The following FHIT variants were observed in gnomAD, a reference collection of about 807,000 sequenced individuals.
FHIT encodes bis(5'-adenosyl)-triphosphatase.
Under a neutral mutation model 17.9 loss-of-function variants are expected in FHIT, and 19 were observed. The observed-to-expected ratio is 1.06, with a 90% CI of 0.74 to 1.56. The LOEUF (loss-of-function observed/expected upper bound fraction) is 1.56. FHIT is among the 40% of genes most tolerant of loss of function. FHIT has a pLI of 0.00. For missense variants in FHIT, 248 were observed against 189.2 expected (o/e 1.31, Z -1.82); for synonymous variants, 81 against 69.7 (o/e 1.16, Z -0.81).
At chr3:60,226,148 T>A (rs1202420366) in intron 5 of FHIT, among the ~76,000 whole-genome samples, 1 of 152,070 alleles carries the variant, frequency 6.6e-6, no homozygotes, top group Admixed American at 6.5e-5. Context: ...ACCAGAGGAC[T>A]TGTACAACAG....
intron 8 of FHIT, among the ~76,000 whole-genome samples, chr3:59,843,020 T>C (rs1048990564): frequency 6.6e-6 from 1 of 152,184 alleles, no homozygotes; most frequent in East Asian, 1.9e-4. Flanking sequence ...AATTTTATTC[T>C]AAGAGTTTTA....
At chr3:60,638,168 G>T (rs2039636747) in intron 4 of FHIT, among the ~76,000 whole-genome samples, 1 of 152,132 alleles carries the variant, frequency 6.6e-6, no homozygotes, top group Non-Finnish European at 1.5e-5. Flanking sequence ...GAAACTAAGG[G>T]AAATTAAACA....
chr3:60,792,136 G>C (rs782005238), intron 4 of FHIT, among the ~76,000 whole-genome samples: 6 of 152,160 alleles, frequency 3.9e-5, no homozygotes, highest in Admixed American at 6.5e-5. Flanking sequence ...AATGAGGATG[G>C]CTTCCTGCTC....
At chr3:59,882,770 G>T (rs756672019) in intron 8 of FHIT, among the ~76,000 whole-genome samples, 14 of 152,158 alleles carry the variant, frequency 9.2e-5, no homozygotes, top group Non-Finnish European at 1.8e-4. Context: ...TGGTCCATTG[G>T]TCCTGCTTTC....
chr3:59,991,111 T>A lies in FHIT; in HGVS notation c.279+20260A>T, dbSNP rs905851373. ...CAGCTCCATGAGATCAAGGGCCACA[T>A]CTGTTTTATTTAGCGAGAAGCAGAA... On this transcript the variant is annotated intron_variant, in intron 7 of 9. Transcript: ENST00000492590. 2.5e-4 allele frequency among the ~76,000 whole-genome samples: 38 copies of A among 151,990 alleles called. 1 individual carries two copies. Among genetic ancestry groups the A allele is most frequent in the Admixed American group, 6.6e-5 (1 of 15,234 alleles).
chr3:61,210,183 G>T (rs1317450213), intron 1 of FHIT, among the ~76,000 whole-genome samples: 1 of 152,212 alleles, frequency 6.6e-6, no homozygotes, highest in East Asian at 1.9e-4. Context: ...TCTCAGAGGA[G>T]TACCCGGCCG....
chr3:61,195,535 T>C (rs368053113), intron 2 of FHIT, among the ~76,000 whole-genome samples: 13 of 152,318 alleles, frequency 8.5e-5, no homozygotes, highest in East Asian at 7.7e-4. Context: ...TTCTCAAACC[T>C]GCTGATCAAT....
intron 9 of FHIT, chr3:59,749,881 T>G (rs1377042215): frequency 4.4e-6 from 1 of 225,870 alleles, no homozygotes; most frequent in East Asian, 6.4e-5. Context: ...GGCAAAATCT[T>G]AGGACCCTAA....
chr3:59,997,439 G>T (rs1242970510), intron 7 of FHIT, among the ~76,000 whole-genome samples: 1 of 152,140 alleles, frequency 6.6e-6, no homozygotes, highest in Non-Finnish European at 1.5e-5. Context: ...AACTATTATA[G>T]CTGGGGTTAT....
At chr3:59,866,465 G>A (rs1048625420) in intron 8 of FHIT, among the ~76,000 whole-genome samples, 5 of 152,178 alleles carry the variant, frequency 3.3e-5, no homozygotes, top group Non-Finnish European at 7.3e-5. Flanking sequence ...CCAATGGAAG[G>A]TTGACAACGG....
At position 61,243,378 on chromosome 3, in the gene FHIT, A is replaced by G. The variant is rs533092042; in HGVS notation, c.-213+7923T>C. Among the ~76,000 whole-genome samples the G allele has an allele frequency of 3.9e-5, 6 of 152,274 alleles. No individual in the cohort carries two copies. In the East Asian group the frequency reaches 1.2e-3, roughly 29 times the overall value. Reference sequence around the variant, plus strand: ...AGGAGCAGAACCTAAGAAAGTAGAGAAAGGATTGTTTTTCTTTTTTCCTCC... The same window carrying G: ...AGGAGCAGAACCTAAGAAAGTAGAGGAAGGATTGTTTTTCTTTTTTCCTCC... On this transcript the variant is annotated intron_variant, in intron 1 of 9. Coordinates refer to ENST00000492590, the MANE Select transcript of FHIT (RefSeq NM_002012.4).
At chr3:60,204,216 C>T (rs546948877) in intron 5 of FHIT, among the ~76,000 whole-genome samples, 1 of 152,048 alleles carries the variant, frequency 6.6e-6, no homozygotes, top group African/African-American at 2.4e-5. Context: ...CTACTATGTA[C>T]CCGTGAAAAT....
At chr3:59,979,747 C>G (rs1417466804) in intron 7 of FHIT, among the ~76,000 whole-genome samples, 2 of 152,094 alleles carry the variant, frequency 1.3e-5, no homozygotes, top group African/African-American at 4.8e-5. Flanking sequence ...TACTCCCACC[C>G]TGCCCATAAA....
At chr3:61,041,813 T>G (rs570878301) in intron 3 of FHIT, among the ~76,000 whole-genome samples, 2 of 152,154 alleles carry the variant, frequency 1.3e-5, no homozygotes, top group Non-Finnish European at 2.9e-5. Context: ...ACCTTAAAGA[T>G]ATAACAAAAG....
At chr3:61,158,558 T>C (rs2037598019) in intron 2 of FHIT, among the ~76,000 whole-genome samples, 1 of 152,348 alleles carries the variant, frequency 6.6e-6, no homozygotes, top group Non-Finnish European at 1.5e-5. Context: ...ATTACGAATA[T>C]GGTTTCATCT....
chr3:60,536,328 G>A (rs2035979085), intron 5 of FHIT: 1 of 152,104 alleles, frequency 6.6e-6, no homozygotes, highest in Non-Finnish European at 1.5e-5. Context: ...GCTATTTCAG[G>A]TCCTAATATT....
chr3:60,859,413 G>GCACAGGTAGACCGCATTTCCACCCATGCA (rs1261340108), intron 3 of FHIT, among the ~76,000 whole-genome samples: 2 of 152,100 alleles, frequency 1.3e-5, no homozygotes, highest in Non-Finnish European at 2.9e-5. Context: ...TCACCCATGT[G>GCACAGGTAGACCGCATTTCCACCCATGCA]CACAGGTAGA....
intron 5 of FHIT, among the ~76,000 whole-genome samples, chr3:60,250,440 C>G (rs997151651): frequency 3.3e-5 from 5 of 152,066 alleles, no homozygotes; most frequent in African/African-American, 9.7e-5. Context: ...TCCTAAGGAC[C>G]CCCTCGGCCA....
chr3:59,990,441 A>G (rs142137262), intron 7 of FHIT, among the ~76,000 whole-genome samples: 132 of 152,204 alleles, frequency 8.7e-4, no homozygotes, highest in Middle Eastern at 3.4e-3. Flanking sequence ...TAGAGAAAGT[A>G]TATTGTTCTA....
Sources: gnomAD v4.1 joint callset for allele counts (sites outside exome capture counted in the v4.1 genomes callset) on GRCh38, gnomAD v4.1.1 for gene constraint, MANE v1.5 for transcripts, NCBI Gene and HGNC (gene_info 2026-07-23, HGNC 2026-07-21) for gene names.